The following FMO5 variants were observed in gnomAD, a reference collection of about 807,000 sequenced individuals.
FMO5 encodes flavin-containing monooxygenase 5.
A neutral mutation model predicts 43.6 loss-of-function variants in FMO5; 51 were observed. The ratio of observed to expected loss-of-function variants is 1.17; its 90% CI spans 0.93 to 1.48. FMO5 has a LOEUF of 1.48. FMO5 is among the 40% of genes most tolerant of loss of function. The pLI is 0.00. For synonymous variants in FMO5, 187 were observed against 216.5 expected, an observed-to-expected ratio of 0.86 and a Z score of 1.20; for missense variants, 644 against 643.0, an observed-to-expected ratio of 1.00 and a Z score of -0.02.
intron 6 of FMO5, among the ~76,000 whole-genome samples, chr1:147,207,535 T>TG (rs1162299747): frequency 6.6e-6 from 1 of 152,194 alleles, no homozygotes; most frequent in East Asian, 1.9e-4. Flanking sequence ...TTCTTCTCAT[T>TG]AGAGTATTTA....
At chr1:147,198,871 A>G (rs1044388985) in intron 7 of FMO5, among the ~76,000 whole-genome samples, 1 of 150,634 alleles carries the variant, frequency 6.6e-6, no homozygotes, top group African/African-American at 2.4e-5. Flanking sequence ...AAAAAAAAAA[A>G]AAAAGAAAGA....
chr1:147,208,655 T>A (rs1660539955), intron 6 of FMO5, 197 bp downstream of exon 6: 1 of 471,562 alleles, frequency 2.1e-6, no homozygotes, highest in African/African-American at 2.0e-5. Context: ...GCCAGGATGG[T>A]CTCAAACTCC....
Position 147,204,240 on chromosome 1 carries a change from T to G in FMO5, c.831-2736A>C, listed in dbSNP as rs145401964. Reference sequence around the variant, plus strand: ...GCTATTTTTGCATCTTTGACAGATGTACATCACCTTCTGTTTCCTTCTTAA... The same window carrying G: ...GCTATTTTTGCATCTTTGACAGATGGACATCACCTTCTGTTTCCTTCTTAA... On this transcript the variant is annotated intron_variant, in intron 6 of 8. Transcript: ENST00000254090. The G allele has an allele frequency of 1.8e-3, 2,243 of 1,246,562 alleles. 25 individuals are homozygous for G. Among genetic ancestry groups the G allele is most frequent in the African/African-American group, 0.017 (1,151 of 68,066 alleles). 77.2% of individuals were successfully genotyped at this position (1,246,562 alleles called of 1,614,324 possible). A position where few individuals can be genotyped will look rare whatever the true frequency, so the allele number is the denominator to read the frequency against.
At chr1:147,220,428 A>G (rs1019949730) in intron 2 of FMO5, among the ~76,000 whole-genome samples, 4 of 152,212 alleles carry the variant, frequency 2.6e-5, no homozygotes, top group Non-Finnish European at 5.9e-5. Flanking sequence ...GCTATTTTAG[A>G]ATCCAAGCTA....
At chr1:147,190,008 T>A (rs1656391391) in intron 8 of FMO5, among the ~76,000 whole-genome samples, 169 bp downstream of exon 8, 1 of 152,196 alleles carries the variant, frequency 6.6e-6, no homozygotes. Flanking sequence ...ATATTTAGAC[T>A]ACTAGTGCTA....
At chr1:147,190,135 A>G (rs1656425285) in intron 8 of FMO5, 42 bp downstream of exon 8, 2 of 1,278,476 alleles carry the variant, frequency 1.6e-6, no homozygotes, top group Non-Finnish European at 2.3e-6. Context: ...TTAAGAAATA[A>G]GTAGAAATGT....
At chr1:147,197,450 T>C (rs115579253) in intron 7 of FMO5, among the ~76,000 whole-genome samples, 2,976 of 152,216 alleles carry the variant, frequency 0.02, 102 homozygotes, top group African/African-American at 0.067. Flanking sequence ...CCAAATCTTA[T>C]CTTGAATTTT....
At chr1:147,199,397 G>A (rs946185925) in intron 7 of FMO5, among the ~76,000 whole-genome samples, 1 of 152,158 alleles carries the variant, frequency 6.6e-6, no homozygotes, top group African/African-American at 2.4e-5. Context: ...AGAGAATTCT[G>A]AAGATTTCTT....
chr1:147,207,201 C>G (rs1264653809), intron 6 of FMO5, among the ~76,000 whole-genome samples: 3 of 151,984 alleles, frequency 2.0e-5, no homozygotes, highest in Admixed American at 1.3e-4. Context: ...GTCTTAATGA[C>G]TGCAACGTAC....
intron 2 of FMO5, among the ~76,000 whole-genome samples, chr1:147,218,702 A>G (rs1453509853): frequency 6.6e-6 from 1 of 152,200 alleles, no homozygotes; most frequent in African/African-American, 2.4e-5. Flanking sequence ...TTTATCTTTT[A>G]ATCTTCATCC....
At chr1:147,210,170 G>A (rs1321854302) in intron 5 of FMO5, 8 of 152,200 alleles carry the variant, frequency 5.3e-5, no homozygotes, top group Admixed American at 5.2e-4. Context: ...GCTAGTAAGT[G>A]GCAGAGGTGA....
chr1:147,186,974 T>C lies in FMO5; in HGVS notation c.1528A>G (p.Met510Val), dbSNP rs148972947. ...MTRVVERSSS[M>V]TSTMTIGKFM... ...TTGCCTATTGTCATTGTTGAAGTCA[T>C]AGAACTACTCCTTTCAACTACTCTT... Residue 510 changes from methionine to valine, a missense_variant, in exon 9 of 9, where the codon ATG (methionine) becomes GTG (valine). By Grantham distance (21) the Met-to-Val change is conservative. Coordinates refer to ENST00000254090, the MANE Select transcript of FMO5 (RefSeq NM_001461.4). 3.1e-6 allele frequency: 5 copies of C among 1,614,212 alleles called. No homozygotes were observed. The East Asian group carries it at 6.7e-5, about 22-fold the overall frequency.
At chr1:147,225,385 C>T (rs587745022), upstream of FMO5, 6 of 219,398 alleles carry the variant, frequency 2.7e-5, no homozygotes, top group East Asian at 6.1e-4. Context: ...AACGGACAAA[C>T]AGCGAGAGCC....
intron 7 of FMO5, among the ~76,000 whole-genome samples, chr1:147,194,159 A>T (rs1553919184): frequency 6.6e-6 from 1 of 152,080 alleles, no homozygotes; most frequent in Non-Finnish European, 1.5e-5. Context: ...TTTGTAGGTC[A>T]CTAAGGACTT....
chr1:147,224,937 G>A lies in FMO5; in HGVS notation c.93C>T (p.Cys31=). The A allele has an allele frequency of 1.2e-6, 2 of 1,614,054 alleles. No homozygotes were observed. The highest frequency in any genetic ancestry group is 1.7e-6 in the Non-Finnish European group (2 of 1,180,010). Residue 31 remains cysteine (C), a synonymous_variant, in exon 2 of 9, where the codon TGC becomes TGT. Coordinates refer to ENST00000254090, the MANE Select transcript of FMO5 (RefSeq NM_001461.4). ...CTCCGATGTCATCAGTCCTTTCAAA[G>A]CAGACAGGTTCCAAGCCTTCTTCTA... ...CCVEEGLEPV[C]FERTDDIGGL... is the part of the protein sequence containing the mutation.
In FMO5 at chr1:147,201,241, G is replaced by A. The variant is rs1345995407; in HGVS notation, c.1094C>T (p.Thr365Ile). Residue 365 changes from threonine (T) to isoleucine (I), a missense_variant, in exon 7 of 9, where the codon ACT becomes ATT. Physicochemically the swap from Thr to Ile is moderately conservative, Grantham distance 89 (BLOSUM62 -1). Coordinates refer to ENST00000254090, the MANE Select transcript of FMO5 (RefSeq NM_001461.4). Reference sequence around the variant, plus strand: ...CTGAATCAAGCCTATGATTGCAAGAGTTGGCCTTTCCAGGTTAGGAGGGAA... The same window carrying A: ...CTGAATCAAGCCTATGATTGCAAGAATTGGCCTTTCCAGGTTAGGAGGGAA... ...KVFPPNLERP[T>I]LAIIGLIQPL... 1 of 1,614,042 alleles carries A rather than the reference G, an allele frequency of 6.2e-7. No homozygotes were observed. The highest frequency in any genetic ancestry group is 8.5e-7 in the Non-Finnish European group (1 of 1,180,038).
intron 7 of FMO5, among the ~76,000 whole-genome samples, chr1:147,193,324 T>C (rs1265852405): frequency 6.6e-6 from 1 of 152,160 alleles, no homozygotes; most frequent in African/African-American, 2.4e-5. Context: ...TCTCTGATGG[T>C]AGTTTGTATT....
At chr1:147,210,452 T>C (rs1660899508) in intron 5 of FMO5, 1 of 152,210 alleles carries the variant, frequency 6.6e-6, no homozygotes, top group Non-Finnish European at 1.5e-5. Context: ...AGTCTTTTTG[T>C]CTAAAATGAC....
At position 147,209,005 on chromosome 1, in the gene FMO5, C is replaced by T. The variant is rs782690942; in HGVS notation, c.677G>A (p.Gly226Glu). 8 of 1,614,004 alleles carry T rather than the reference C, an allele frequency of 5.0e-6. No homozygotes were observed. In the African/African-American group the frequency reaches 9.3e-5, roughly 19 times the overall value. The change falls in exon 6 of 9, where the codon GGG (glycine) becomes GAG (glutamate). Residue 226 changes from glycine to glutamate, a missense_variant. Physicochemically the swap from Gly to Glu is moderately conservative, Grantham distance 98 (BLOSUM62 -2). Coordinates refer to ENST00000254090, the MANE Select transcript of FMO5 (RefSeq NM_001461.4). ...RRGAWILNRVGDYGYPADVLF... is the reference protein window; with the variant it reads ...RRGAWILNRVEDYGYPADVLF... ...CACATCAGCAGGATATCCGTAGTCC[C>T]CTACACGATTCAGGATCCAAGCCCC...
Sources: allele counts gnomAD v4.1 joint callset (sites outside exome capture counted in the v4.1 genomes callset), GRCh38; gene constraint gnomAD v4.1.1; transcripts MANE v1.5; gene names NCBI Gene and HGNC (gene_info 2026-07-23, HGNC 2026-07-21).